TEX14: variants seen among roughly 807,000 people sequenced by gnomAD.
The protein encoded by TEX14 is testis expressed 14, intercellular bridge forming factor.
A neutral mutation model predicts 178.6 loss-of-function variants in TEX14; 168 were observed. That is an observed-to-expected ratio of 0.94 (90% CI 0.83 to 1.07). The LOEUF (loss-of-function observed/expected upper bound fraction) is 1.07, where lower values mean the gene tolerates loss of function less well. Among genes scored for constraint, TEX14 ranks in the 50% least tolerant of loss-of-function variants. The pLI, the probability that TEX14 is intolerant of heterozygous loss-of-function variation, is 0.00. For missense variants in TEX14, 1,730 were observed against 1,753.6 expected, an observed-to-expected ratio of 0.99 and a Z score of 0.24; for synonymous variants, 626 against 634.1, an observed-to-expected ratio of 0.99 and a Z score of 0.19.
rs376937399 is a variant in TEX14 at position 58,630,540 on chromosome 17, C to T, written c.151G>A (p.Ala51Thr). Residue 51 changes from alanine to threonine, a missense_variant, in exon 3 of 32, where the codon GCA becomes ACA. Physicochemically the swap from Ala to Thr is moderately conservative, Grantham distance 58 (BLOSUM62 0). This residue lies in a region of TEX14 where 789 missense variants were observed against 681.2 expected (regional missense o/e 1.16). Coordinates refer to ENST00000349033, the MANE Select transcript of TEX14 (RefSeq NM_031272.5). ...KILKKGIYVDAVNSLGQTALF... is the reference protein window; with the variant it reads ...KILKKGIYVDTVNSLGQTALF... ...GCTGTTTGGCCCAAGGAGTTAACTG[C>T]ATCAACATAAATTCCTGCAAAGGAA... The T allele has an allele frequency of 7.4e-6, 12 of 1,612,868 alleles. No homozygotes were observed. Among genetic ancestry groups the T allele is most frequent in the Non-Finnish European group, 1.0e-5 (12 of 1,179,010 alleles).
At chr17:58,591,882 AC>A (rs1324044449) in intron 15 of TEX14, among the ~76,000 whole-genome samples, 3 of 151,866 alleles carry the variant, frequency 2.0e-5, no homozygotes, top group African/African-American at 7.3e-5. Context: ...ACATGGTGAA[AC>A]CCCATCTCTA....
chr17:58,587,842 A>ATCCCCCCCCCCCCCCCC, intron 16 of TEX14, 54 bp downstream of exon 16: 1 of 1,299,498 alleles, frequency 7.7e-7, no homozygotes. Flanking sequence ...AGGGTGCCAG[A>ATCCCCCCCCCCCCCCCC]ACCCACCCCC....
chr17:58,682,455 G>A (rs1259854097), intron 1 of TEX14, among the ~76,000 whole-genome samples: 3 of 151,518 alleles, frequency 2.0e-5, no homozygotes, highest in African/African-American at 7.3e-5. Flanking sequence ...ATGGGTTTTT[G>A]CCATGTTGGC....
intron 1 of TEX14, among the ~76,000 whole-genome samples, chr17:58,683,688 G>GA (rs1414974654): frequency 1.3e-5 from 2 of 151,572 alleles, no homozygotes. Context: ...GCTTGAACCC[G>GA]GAAGGCGGGG....
chr17:58,665,629 A>C (rs2047190265), intron 1 of TEX14, among the ~76,000 whole-genome samples: 1 of 151,902 alleles, frequency 6.6e-6, no homozygotes, highest in Non-Finnish European at 1.5e-5. Flanking sequence ...CCCACAACTC[A>C]TTGCGTTTAC....
At chr17:58,661,616 C>T in intron 1 of TEX14, 4 of 699,626 alleles carry the variant, frequency 5.7e-6, no homozygotes, top group Admixed American at 4.6e-5. Context: ...AAGGCTGATG[C>T]GAAATGTTGA....
In TEX14 at chr17:58,601,787, C is replaced by T. The variant is rs776486219; in HGVS notation, c.1678+19G>A. 3 of 1,607,032 alleles carry T rather than the reference C, an allele frequency of 1.9e-6. No individual in the cohort carries two copies. The South Asian group carries it at 3.3e-5, about 18-fold the overall frequency. On this transcript the variant is annotated intron_variant, in intron 13 of 31. Coordinates refer to ENST00000349033, the MANE Select transcript of TEX14 (RefSeq NM_031272.5). Reference sequence around the variant, plus strand: ...CACATTTGTGTCAAACTAACACAACCTGTGAATTAAGGCCATACCCATTTC... The same window carrying T: ...CACATTTGTGTCAAACTAACACAACTTGTGAATTAAGGCCATACCCATTTC...
intron 19 of TEX14, among the ~76,000 whole-genome samples, chr17:58,583,009 C>T (rs1170560827): frequency 6.6e-6 from 1 of 150,520 alleles, no homozygotes; most frequent in Non-Finnish European, 1.5e-5. Context: ...TCATTCAGTC[C>T]ACCCAGGCTA....
At chr17:58,632,723 C>A (rs935613065) in intron 2 of TEX14, among the ~76,000 whole-genome samples, 13 of 152,006 alleles carry the variant, frequency 8.6e-5, no homozygotes, top group African/African-American at 3.1e-4. Context: ...AGGGGTCAGC[C>A]CATAAAAGGG....
rs758758649 is a variant in TEX14 at position 58,622,843 on chromosome 17, T to A, written c.417+4A>T. On this transcript the variant is annotated splice_donor_region_variant and intron_variant, in intron 4 of 31. Transcript: ENST00000349033. ...CATGGCTACAGAGTGGGACCCACCC[T>A]TACCTGGGTGCTACGCTCCTTTCCT... 6.2e-7 allele frequency: 1 copy of A among 1,604,550 alleles called. No individual in the cohort carries two copies. The highest frequency in any genetic ancestry group is 1.3e-5 in the African/African-American group (1 of 74,758).
At position 58,651,846 on chromosome 17, in the gene TEX14, C is replaced by T; in HGVS notation, c.136+20G>A. On this transcript the variant is annotated intron_variant, in intron 2 of 31. Coordinates refer to ENST00000349033, the MANE Select transcript of TEX14 (RefSeq NM_031272.5). ...GAAATGTGTACCAAGGTGCATCTGC[C>T]ATCTCAACATGGTGCTTACCTTTCT... 1 of 1,591,222 alleles carries T rather than the reference C, an allele frequency of 6.3e-7. No individual in the cohort carries two copies. The highest frequency in any genetic ancestry group is 8.5e-7 in the Non-Finnish European group (1 of 1,170,622).
chr17:58,632,310 A>T (rs765099121), intron 2 of TEX14, among the ~76,000 whole-genome samples: 1 of 152,198 alleles, frequency 6.6e-6, no homozygotes, highest in Non-Finnish European at 1.5e-5. Flanking sequence ...ACACACTTAA[A>T]TATTTTGTAT....
At chr17:58,568,943 C>G (rs1423839369) in intron 26 of TEX14, among the ~76,000 whole-genome samples, 1 of 152,120 alleles carries the variant, frequency 6.6e-6, no homozygotes, top group Non-Finnish European at 1.5e-5. Context: ...CCCTTAGATT[C>G]ATCAACATAA....
intron 15 of TEX14, among the ~76,000 whole-genome samples, chr17:58,588,944 T>C (rs770555820): frequency 3.3e-5 from 5 of 152,166 alleles, no homozygotes; most frequent in East Asian, 1.9e-4. Context: ...CTCATGAACA[T>C]GTACATTTTA....
At chr17:58,593,082 C>T (rs1288457204) in intron 15 of TEX14, among the ~76,000 whole-genome samples, 1 of 152,132 alleles carries the variant, frequency 6.6e-6, no homozygotes, top group Non-Finnish European at 1.5e-5. Flanking sequence ...ACACACTCTT[C>T]TTCCAGTAAT....
At chr17:58,577,508 T>C (rs1174891333) in intron 20 of TEX14, 52 bp from the exon 21 acceptor site, 1 of 621,148 alleles carries the variant, frequency 1.6e-6, no homozygotes, top group South Asian at 3.9e-5. Context: ...TACTGAATCT[T>C]TGTCAACCCA....
intron 6 of TEX14, 89 bp from the exon 7 acceptor site, chr17:58,616,394 G>C: frequency 1.3e-6 from 2 of 1,502,526 alleles, no homozygotes; most frequent in Non-Finnish European, 1.8e-6. Context: ...AAAAGAATGA[G>C]AGCTGCTATT....
intron 9 of TEX14, 127 bp from the exon 10 acceptor site, chr17:58,611,466 G>A: frequency 1.4e-6 from 1 of 709,256 alleles, no homozygotes; most frequent in Non-Finnish European, 2.3e-6. Flanking sequence ...TTTTACAGAT[G>A]GAGAACCTAA....
rs35359604 is a variant in TEX14, at chr17:58,657,502, C to CTTTT, written c.-1-5504_-1-5501dup. Among the ~76,000 whole-genome samples, 57 of 51,372 alleles carry CTTTT rather than the reference C, an allele frequency of 1.1e-3. 8 individuals carry two copies. The highest frequency in any genetic ancestry group is 2.1e-3 in the East Asian group (4 of 1,930). 33.7% of individuals were successfully genotyped at this position (51,372 alleles called of 152,430 possible). On this transcript the variant is annotated intron_variant, in intron 1 of 31. Transcript: ENST00000349033. ...TTTTGTCTGGGCAATACGGGAAATG[C>CTTTT]TTTTTTTTTTTTTTTTTTTTTTTTT...
Sources: gnomAD v4.1 joint callset for allele counts (sites outside exome capture counted in the v4.1 genomes callset) on GRCh38, gnomAD v4.1.1 for gene constraint, gnomAD v4.1.1 regional missense constraint, MANE v1.5 for transcripts, NCBI Gene and HGNC (gene_info 2026-07-23, HGNC 2026-07-21) for gene names.